CORO2A: variants seen among roughly 807,000 people sequenced by gnomAD.
The protein encoded by CORO2A is coronin 2A, also known as coronin-2A.
CORO2A carries 47 observed loss-of-function variants against 62.4 expected under a neutral mutation model. That is an observed-to-expected ratio of 0.75 (90% confidence interval 0.60 to 0.96). The LOEUF (loss-of-function observed/expected upper bound fraction) is 0.96, where lower values mean the gene tolerates loss of function less well. CORO2A is among the 40% of genes least tolerant of loss of function. The probability of loss-of-function intolerance (pLI) is 0.00; values close to 1 mark genes in which losing one functional copy is unlikely to be tolerated. For missense variants in CORO2A, 610 were observed against 684.1 expected (o/e 0.89, Z 1.21); for synonymous variants, 273 against 268.9 (o/e 1.02, Z -0.15).
chr9:98,139,045 CAAAA>C (rs60779052), intron 2 of CORO2A, among the ~76,000 whole-genome samples: 4 of 103,358 alleles, frequency 3.9e-5, no homozygotes, highest in Admixed American at 9.8e-5. Flanking sequence ...GATTCTGTCT[CAAAA>C]AAAAAAAAAA....
chr9:98,189,067 G>A (rs764870924), intron 1 of CORO2A, among the ~76,000 whole-genome samples: 2 of 152,122 alleles, frequency 1.3e-5, no homozygotes, highest in Non-Finnish European at 2.9e-5. Flanking sequence ...CTCAATTATA[G>A]TAAGGAGCAC....
Position 98,131,058 on chromosome 9 carries a change from T to C in CORO2A, c.767A>G (p.Asp256Gly). Reference sequence around the variant, plus strand: ...CTCCATCAGAGGCACAGAGAGGTTATCCTGCAGGGGAAGGGGAGGCAGGGA... The same window carrying C: ...CTCCATCAGAGGCACAGAGAGGTTACCCTGCAGGGGAAGGGGAGGCAGGGA... ...NNRQVALWDQ[D>G]NLSVPLMEED... Residue 256 changes from aspartate to glycine, a missense_variant and splice_region_variant, in exon 7 of 12, where the codon GAT becomes GGT. Coordinates refer to ENST00000375077, the MANE Select transcript of CORO2A (RefSeq NM_052820.4). The C allele has an allele frequency of 1.2e-5, 20 of 1,609,680 alleles. No homozygotes were observed. Among genetic ancestry groups the C allele is most frequent in the Non-Finnish European group, 1.7e-5 (20 of 1,177,802 alleles).
chr9:98,184,583 C>T (rs553112046), intron 1 of CORO2A, among the ~76,000 whole-genome samples: 2 of 152,238 alleles, frequency 1.3e-5, no homozygotes, highest in South Asian at 4.2e-4. Flanking sequence ...GTCCTCTATC[C>T]CTATCCCTGG....
chr9:98,126,850 G>A lies in CORO2A; in HGVS notation c.1172-27C>T, dbSNP rs764852384. Reference sequence around the variant, plus strand: ...TGGAAGGGAAGCAGAGCCATGTGAGGACGGGGTGCCCACGGGAAGATGGGC... The same window carrying A: ...TGGAAGGGAAGCAGAGCCATGTGAGAACGGGGTGCCCACGGGAAGATGGGC... On this transcript the variant is annotated intron_variant, in intron 10 of 11. Transcript: ENST00000375077. 6 of 1,613,618 alleles carry A rather than the reference G, an allele frequency of 3.7e-6. No individual in the cohort carries two copies. In the African/African-American group the frequency reaches 4.0e-5, roughly 11 times the overall value.
intron 1 of CORO2A, among the ~76,000 whole-genome samples, chr9:98,164,161 A>C (rs1827928045): frequency 6.6e-6 from 1 of 152,230 alleles, no homozygotes; most frequent in Non-Finnish European, 1.5e-5. Context: ...AGCCACAGTT[A>C]GGGAAGATTA....
chr9:98,185,959 G>A (rs1451334253), intron 1 of CORO2A, among the ~76,000 whole-genome samples: 1 of 152,214 alleles, frequency 6.6e-6, no homozygotes, highest in Non-Finnish European at 1.5e-5. Context: ...CCTGCAGTGT[G>A]GGCAAAGCCC....
intron 2 of CORO2A, among the ~76,000 whole-genome samples, chr9:98,142,836 CCTGCCCTGCCCTGCCCTGCG>C (rs927909148): frequency 7.7e-5 from 10 of 130,460 alleles, no homozygotes; most frequent in Admixed American, 1.5e-4. Context: ...CCCCACCTCC[CCTGCCCTGCCCTGCCCTGCG>C]CTGCCCTGCG....
chr9:98,148,790 A>AAC (rs1043918959), intron 2 of CORO2A, among the ~76,000 whole-genome samples: 1 of 143,478 alleles, frequency 7.0e-6, no homozygotes, highest in Non-Finnish European at 1.5e-5. Flanking sequence ...AAAAAAACAA[A>AAC]ACACACACAC....
rs370704573 is a variant in CORO2A, at chr9:98,160,354, C to T, written c.1-2694G>A. Among the ~76,000 whole-genome samples, 5 of 152,330 alleles carry T rather than the reference C, an allele frequency of 3.3e-5. No individual in the cohort carries two copies. In the East Asian group the frequency reaches 9.6e-4, roughly 29 times the overall value. On this transcript the variant is annotated intron_variant, in intron 1 of 11. Coordinates refer to ENST00000375077, the MANE Select transcript of CORO2A (RefSeq NM_052820.4). ...CACCTGAAACGCAGGAGGAGTTAAG[C>T]TAGGTGTGCGGCCAGGTCCACCACA...
chr9:98,134,874 T>C lies in CORO2A; in HGVS notation c.400A>G (p.Arg134Gly), dbSNP rs1235350806. 1.9e-6 allele frequency: 3 copies of C among 1,614,036 alleles called. No individual in the cohort carries two copies. The highest frequency in any genetic ancestry group is 2.5e-6 in the Non-Finnish European group (3 of 1,180,030). Residue 134 changes from arginine (R) to glycine (G), a missense_variant, in exon 4 of 12, where the codon AGA becomes GGA. By Grantham distance (125) the Arg-to-Gly change is moderately radical (BLOSUM62 -2). Coordinates refer to ENST00000375077, the MANE Select transcript of CORO2A (RefSeq NM_052820.4). ...YRKELVGHAR[R>G]VGLVEWHPTA... ...GGGTGCCACTCCACCAGGCCTACTC[T>C]GCGCGCGTGGCCCACGAGTTCCTTC...
chr9:98,126,034 CTTT>C (rs11334821), intron 11 of CORO2A, among the ~76,000 whole-genome samples: 30 of 113,240 alleles, frequency 2.6e-4, no homozygotes, highest in Admixed American at 2.8e-4. Flanking sequence ...TCCCCACCAT[CTTT>C]TTTTTTTTTT....
intron 1 of CORO2A, among the ~76,000 whole-genome samples, chr9:98,173,584 C>T (rs1828067982): frequency 6.6e-6 from 1 of 152,184 alleles, no homozygotes; most frequent in South Asian, 2.1e-4. Context: ...CTGAGGCCAG[C>T]ACTCCGGAAC....
intron 1 of CORO2A, among the ~76,000 whole-genome samples, chr9:98,163,477 A>G (rs1827914085): frequency 6.6e-6 from 1 of 152,206 alleles, no homozygotes; most frequent in Non-Finnish European, 1.5e-5. Context: ...GGCGTAAGCC[A>G]TTGTGCCCGG....
At chr9:98,177,808 T>C (rs1488743317) in intron 1 of CORO2A, among the ~76,000 whole-genome samples, 3 of 151,740 alleles carry the variant, frequency 2.0e-5, no homozygotes, top group Non-Finnish European at 4.4e-5. Context: ...GTAATCATCA[T>C]CAACCTCGCA....
At chr9:98,137,536 T>A in intron 3 of CORO2A, 36 bp downstream of exon 3, 1 of 1,559,668 alleles carries the variant, frequency 6.4e-7, no homozygotes, top group Admixed American at 1.7e-5. Context: ...ATCCCACTCT[T>A]CAGGAAGGGG....
chr9:98,157,382 A>G, intron 2 of CORO2A, 78 bp downstream of exon 2: 1 of 1,407,472 alleles, frequency 7.1e-7, no homozygotes, highest in Non-Finnish European at 9.9e-7. Context: ...AGGACTTTCT[A>G]GAAACCCAGG....
In CORO2A at chr9:98,156,475, A is replaced by G. The variant is rs7047096; in HGVS notation, c.201+985T>C. Among the ~76,000 whole-genome samples the G allele has an allele frequency of 5.0e-3, 765 of 152,296 alleles. 7 individuals carry two copies. The highest frequency in any genetic ancestry group is 0.016 in the African/African-American group (679 of 41,572). On this transcript the variant is annotated intron_variant, in intron 2 of 11. Coordinates refer to ENST00000375077, the MANE Select transcript of CORO2A (RefSeq NM_052820.4). ...TAAGTTTTGTGATATATTTCATTTT[A>G]TCAATTCCAAGGATTTTTAAATTTC... is the stretch of plus-strand genomic sequence containing the variant.
At chr9:98,160,318 T>G (rs1827866482) in intron 1 of CORO2A, among the ~76,000 whole-genome samples, 1 of 151,824 alleles carries the variant, frequency 6.6e-6, no homozygotes, top group African/African-American at 2.4e-5. Flanking sequence ...AAAATGCAGG[T>G]AAAAAGAGAT....
chr9:98,181,461 C>A (rs1432844418), intron 1 of CORO2A, among the ~76,000 whole-genome samples: 2 of 151,800 alleles, frequency 1.3e-5, no homozygotes, highest in African/African-American at 4.8e-5. Context: ...TAGGCGTGAG[C>A]CTCGGTGCCT....
Sources: gnomAD v4.1 joint callset for allele counts (sites outside exome capture counted in the v4.1 genomes callset) on GRCh38, gnomAD v4.1.1 for gene constraint, MANE v1.5 for transcripts, NCBI Gene and HGNC (gene_info 2026-07-23, HGNC 2026-07-21) for gene names.